The following NRXN1 variants were observed in gnomAD, a reference collection of about 807,000 sequenced individuals.
NRXN1 encodes the protein neurexin-1.
Under a neutral mutation model 150.9 loss-of-function variants are expected in NRXN1, and 39 were observed. The observed-to-expected ratio is 0.26, with a 90% CI of 0.20 to 0.34. The LOEUF (loss-of-function observed/expected upper bound fraction) is 0.34, where lower values mean the gene tolerates loss of function less well. Ranked by LOEUF, NRXN1 falls within the 10% of genes least tolerant of loss-of-function variation. NRXN1 has a pLI of 1.00. For missense variants in NRXN1, 1,815 were observed against 1,949.9 expected (o/e 0.93, Z 1.30); for synonymous variants, 924 against 757.0 (o/e 1.22, Z -3.62).
At chr2:50,645,921 C>T (rs1009379395) in intron 5 of NRXN1, among the ~76,000 whole-genome samples, 8 of 151,792 alleles carry the variant, frequency 5.3e-5, no homozygotes, top group Non-Finnish European at 8.8e-5. Context: ...CAATTACATT[C>T]GTTTAAAGTG....
At position 50,714,758 on chromosome 2, in the gene NRXN1, AT is replaced by A. The variant is rs572585676; in HGVS notation, c.833-91144del. On this transcript the variant is annotated intron_variant, in intron 5 of 22. Transcript: ENST00000401669. ...TGAGTAGCCTTGGAAACAGGCTGCAATTGTGAACTGTTAGTCTACCAGAGAG... is the reference window on the plus strand; with the variant it reads ...TGAGTAGCCTTGGAAACAGGCTGCAATGTGAACTGTTAGTCTACCAGAGAG... Among the ~76,000 whole-genome samples the A allele has an allele frequency of 7.2e-5, 11 of 152,248 alleles. No individual in the cohort carries two copies. In the South Asian group the frequency reaches 2.3e-3, roughly 32 times the overall value.
chr2:50,321,047 T>C (rs886581564), intron 17 of NRXN1, among the ~76,000 whole-genome samples: 1 of 152,102 alleles, frequency 6.6e-6, no homozygotes, highest in Non-Finnish European at 1.5e-5. Context: ...ACTGGAAAGC[T>C]GAGGAAGCAA....
Position 50,076,370 on chromosome 2 carries a change from A to G in NRXN1, c.3718+14953T>C, listed in dbSNP as rs1697105658. ...ATTGCAAAACTAAACTATTTTGACT[A>G]ATAATATAGTGGAATTAACTTTTAC... On this transcript the variant is annotated intron_variant, in intron 19 of 22. Transcript: ENST00000401669. Among the ~76,000 whole-genome samples, 9 of 133,646 alleles carry G rather than the reference A, an allele frequency of 6.7e-5. No homozygotes were observed. In the Admixed American group the frequency reaches 7.3e-4, roughly 11 times the overall value. The allele number at this position is 133,646 out of a possible 152,430, so 87.7% of individuals were successfully genotyped here. A position where few individuals can be genotyped will look rare whatever the true frequency, so the allele number is the denominator to read the frequency against.
chr2:49,984,960 T>C (rs1443808517), intron 21 of NRXN1, among the ~76,000 whole-genome samples: 1 of 152,138 alleles, frequency 6.6e-6, no homozygotes, highest in East Asian at 1.9e-4. Context: ...AAGTGATCAA[T>C]GTTGCCAATC....
intron 2 of NRXN1, among the ~76,000 whole-genome samples, chr2:50,982,825 A>G (rs1037611015): frequency 2.0e-5 from 3 of 152,084 alleles, no homozygotes; most frequent in African/African-American, 7.2e-5. Context: ...AATGATCCAA[A>G]CTCATAAATG....
intron 5 of NRXN1, among the ~76,000 whole-genome samples, chr2:50,693,880 C>A (rs1479758919): frequency 6.6e-6 from 1 of 152,192 alleles, no homozygotes; most frequent in Non-Finnish European, 1.5e-5. Context: ...CAGCCTGAAA[C>A]TCCTGGCATC....
intron 8 of NRXN1, among the ~76,000 whole-genome samples, chr2:50,585,618 C>T (rs2103718187): frequency 6.6e-6 from 1 of 152,138 alleles, no homozygotes; most frequent in Admixed American, 6.5e-5. Flanking sequence ...TAATACTTGG[C>T]AAAGTCAATG....
In NRXN1 at chr2:50,347,703, C is replaced by G; in HGVS notation, c.3365-110733G>C. On this transcript the variant is annotated intron_variant, in intron 17 of 22. Coordinates refer to ENST00000401669, the MANE Select transcript of NRXN1 (RefSeq NM_001330078.2). This position sits in a 1 kb window ranked among gnomAD's most constrained non-coding sequence, Gnocchi z 4.9. The stretch of plus-strand genomic sequence containing the variant: ...CGGAAAGGCAGCTGAGAAGAAGATG[C>G]AGACGAAGGAGTAAGGGAGAGAAAC... 1.0e-6 allele frequency: 1 copy of G among 986,536 alleles called. No individual in the cohort carries two copies. The highest frequency in any genetic ancestry group is 1.7e-5 in the African/African-American group (1 of 57,184). 61.1% of individuals were successfully genotyped at this position (986,536 alleles called of 1,614,324 possible).
chr2:49,997,849 G>C (rs1023626303), intron 21 of NRXN1, among the ~76,000 whole-genome samples: 1 of 152,214 alleles, frequency 6.6e-6, no homozygotes, highest in Admixed American at 6.5e-5. Flanking sequence ...AAGCTGGGCC[G>C]CCGGGGTGCA....
chr2:49,954,524 G>T (rs1408018075), intron 21 of NRXN1, among the ~76,000 whole-genome samples: 1 of 152,002 alleles, frequency 6.6e-6, no homozygotes, highest in African/African-American at 2.4e-5. Context: ...CAGATGAACA[G>T]GGAAAAACAG....
At chr2:50,867,382 T>C (rs1677100940) in intron 5 of NRXN1, among the ~76,000 whole-genome samples, 2 of 151,816 alleles carry the variant, frequency 1.3e-5, no homozygotes, top group African/African-American at 4.8e-5. Flanking sequence ...ACTGTATAAA[T>C]GTTAGTTCAC....
At chr2:50,224,462 G>C (rs2064168237) in intron 18 of NRXN1, among the ~76,000 whole-genome samples, 1 of 151,906 alleles carries the variant, frequency 6.6e-6, no homozygotes, top group African/African-American at 2.4e-5. Context: ...AAAGAGTATT[G>C]TTTAGTTACC....
intron 5 of NRXN1, among the ~76,000 whole-genome samples, chr2:50,712,194 G>A (rs1695257123): frequency 6.6e-6 from 1 of 152,054 alleles, no homozygotes; most frequent in Non-Finnish European, 1.5e-5. Flanking sequence ...CAGATTCAGA[G>A]AGTTTAATAA....
intron 17 of NRXN1, among the ~76,000 whole-genome samples, chr2:50,426,510 G>GT (rs1225301070): frequency 6.6e-6 from 1 of 152,102 alleles, no homozygotes; most frequent in African/African-American, 2.4e-5. Flanking sequence ...ATTGTATTTT[G>GT]TTTTCTACAT....
In NRXN1 at chr2:50,650,931, T is replaced by C. The variant is rs975102879; in HGVS notation, c.833-27316A>G. ...TAGACAACTCATTTTAGCTAACACT[T>C]TGGAATTAACTTTGAGTAGTAGAAA... is the stretch of plus-strand genomic sequence containing the variant. On this transcript the variant is annotated intron_variant, in intron 5 of 22. Transcript: ENST00000401669. Among the ~76,000 whole-genome samples, 6 of 152,142 alleles carry C rather than the reference T, an allele frequency of 3.9e-5. No homozygotes were observed. The East Asian group carries it at 1.2e-3, about 30-fold the overall frequency.
intron 8 of NRXN1, among the ~76,000 whole-genome samples, chr2:50,559,052 A>T (rs535390964): frequency 7.5e-4 from 114 of 152,318 alleles, no homozygotes; most frequent in Non-Finnish European, 1.4e-3. Context: ...ACTGCACTCC[A>T]GCCTGGGTGA....
At chr2:50,510,162 C>T (rs1558856999) in intron 12 of NRXN1, among the ~76,000 whole-genome samples, 1 of 152,088 alleles carries the variant, frequency 6.6e-6, no homozygotes, top group Non-Finnish European at 1.5e-5. Flanking sequence ...AGAAGACTAA[C>T]ACAGTGGGCA....
intron 18 of NRXN1, among the ~76,000 whole-genome samples, chr2:50,207,147 T>C (rs1280408269): frequency 6.6e-6 from 1 of 152,126 alleles, no homozygotes; most frequent in Admixed American, 6.6e-5. Flanking sequence ...ATCAATACGA[T>C]GTGCTAGATT....
At chr2:50,392,037 A>T (rs1252922279) in intron 17 of NRXN1, among the ~76,000 whole-genome samples, 1 of 152,154 alleles carries the variant, frequency 6.6e-6, no homozygotes, top group African/African-American at 2.4e-5. Flanking sequence ...TTAATTTATC[A>T]AAGTTGCCAT....
Sources: gnomAD v4.1 joint callset for allele counts (sites outside exome capture counted in the v4.1 genomes callset) on GRCh38, gnomAD v4.1.1 for gene constraint, Gnocchi (gnomAD v3.1) non-coding constraint, MANE v1.5 for transcripts, NCBI Gene and HGNC (gene_info 2026-07-23, HGNC 2026-07-21) for gene names.